Variants in BPTF observed in about 807,000 individuals in gnomAD.
The protein encoded by BPTF is bromodomain PHD finger transcription factor, also known as nucleosome-remodeling factor subunit BPTF.
A neutral mutation model predicts 292.5 loss-of-function variants in BPTF; 18 were observed. That is an observed-to-expected ratio of 0.06 (90% CI 0.04 to 0.09). The LOEUF (loss-of-function observed/expected upper bound fraction) is 0.09, where lower values mean the gene tolerates loss of function less well. BPTF is among the 10% of genes least tolerant of loss of function. The pLI is 1.00. For missense variants in BPTF, 2,726 were observed against 3,498.7 expected, an observed-to-expected ratio of 0.78 and a Z score of 5.57; for synonymous variants, 1,225 against 1,251.9, an observed-to-expected ratio of 0.98 and a Z score of 0.45.
intron 1 of BPTF, among the ~76,000 whole-genome samples, chr17:67,839,963 A>T (rs969304127): frequency 5.9e-5 from 9 of 151,716 alleles, no homozygotes; most frequent in Admixed American, 2.0e-4. Context: ...TTTTTTTTTT[A>T]AAAGACACCT....
At chr17:67,843,743 G>T (rs2057767171) in intron 1 of BPTF, among the ~76,000 whole-genome samples, 1 of 136,334 alleles carries the variant, frequency 7.3e-6, no homozygotes. Context: ...TAAATTGTCT[G>T]GAGCAGTTGT....
intron 8 of BPTF, among the ~76,000 whole-genome samples, chr17:67,904,364 G>T (rs1410843169): frequency 6.6e-6 from 1 of 152,092 alleles, no homozygotes; most frequent in African/African-American, 2.4e-5. Context: ...AATATGTTAG[G>T]GATAAAGTAC....
chr17:67,945,297 G>A, intron 20 of BPTF, 112 bp from the exon 21 acceptor site: 2 of 1,503,504 alleles, frequency 1.3e-6, no homozygotes, highest in Non-Finnish European at 1.8e-6. Context: ...ACAGGTGTGA[G>A]CCACCACGCC....
intron 18 of BPTF, among the ~76,000 whole-genome samples, chr17:67,938,040 G>A (rs1405881092): frequency 1.3e-5 from 2 of 152,258 alleles, no homozygotes; most frequent in South Asian, 2.1e-4. Context: ...TTGAACCCAG[G>A]AGGCAGAAGT....
At chr17:67,846,760 G>A (rs1317619953) in intron 1 of BPTF, among the ~76,000 whole-genome samples, 2 of 152,124 alleles carry the variant, frequency 1.3e-5, no homozygotes, top group Non-Finnish European at 2.9e-5. Flanking sequence ...GAGTGCGGTG[G>A]TACAGTCTGG....
At chr17:67,929,521 T>C in intron 17 of BPTF, 34 bp downstream of exon 17, 1 of 1,603,132 alleles carries the variant, frequency 6.2e-7, no homozygotes, top group South Asian at 1.1e-5. Context: ...TGGTTTGATG[T>C]GTTGAGCACA....
chr17:67,887,880 C>T (rs1430386989), intron 4 of BPTF, among the ~76,000 whole-genome samples: 3 of 152,144 alleles, frequency 2.0e-5, no homozygotes, highest in African/African-American at 7.2e-5. Context: ...TATATGTTTC[C>T]AAGGTCTGTG....
At chr17:67,889,174 A>T (rs994380351) in intron 4 of BPTF, among the ~76,000 whole-genome samples, 3 of 152,178 alleles carry the variant, frequency 2.0e-5, no homozygotes, top group Non-Finnish European at 2.9e-5. Context: ...CCACTGCTTT[A>T]TAATAGGAGG....
chr17:67,903,473 G>A (rs1317602217), intron 7 of BPTF, among the ~76,000 whole-genome samples: 2 of 152,270 alleles, frequency 1.3e-5, no homozygotes, highest in East Asian at 3.9e-4. Flanking sequence ...AAGTACATAT[G>A]TGTGAATATG....
chr17:67,858,728 A>C (rs750093355), intron 2 of BPTF, among the ~76,000 whole-genome samples: 1 of 152,252 alleles, frequency 6.6e-6, no homozygotes, highest in Non-Finnish European at 1.5e-5. Context: ...CATAGTCATC[A>C]GGATGGCTGG....
chr17:67,874,621 G>T lies in BPTF; in HGVS notation c.1661-196G>T, dbSNP rs1210577182. On this transcript the variant is annotated intron_variant, in intron 3 of 27. Coordinates refer to ENST00000306378, the MANE Select transcript of BPTF (RefSeq NM_182641.4). The stretch of plus-strand genomic sequence containing the variant: ...TAGCATGTATTATCTAGAGGTGAAG[G>T]TACACCAAATTGATTGAATTCTGTA... Among the ~76,000 whole-genome samples the T allele has an allele frequency of 3.3e-5, 5 of 151,968 alleles. No homozygotes were observed. In the East Asian group the frequency reaches 9.6e-4, roughly 29 times the overall value.
In BPTF at chr17:67,959,525, C is replaced by G. The variant is rs1555682586; in HGVS notation, c.7927-16C>G. On this transcript the variant is annotated splice_polypyrimidine_tract_variant and intron_variant, in intron 23 of 27. Coordinates refer to ENST00000306378, the MANE Select transcript of BPTF (RefSeq NM_182641.4). Reference sequence around the variant, plus strand: ...GACTCTAATGATAGTCTTGTATTGTCTTTAATTGATAACAGGAAGAGCTGA... The same window carrying G: ...GACTCTAATGATAGTCTTGTATTGTGTTTAATTGATAACAGGAAGAGCTGA... The G allele has an allele frequency of 6.6e-7, 1 of 1,508,512 alleles. No homozygotes were observed. The highest frequency in any genetic ancestry group is 8.8e-7 in the Non-Finnish European group (1 of 1,130,406). 93.4% of individuals were successfully genotyped at this position (1,508,512 alleles called of 1,614,324 possible). A position where few individuals can be genotyped will look rare whatever the true frequency, so the allele number is the denominator to read the frequency against.
intron 16 of BPTF, chr17:67,929,115 A>G: frequency 6.8e-6 from 9 of 1,326,042 alleles, no homozygotes; most frequent in Non-Finnish European, 7.7e-6. Context: ...CCAGCAACAC[A>G]AGGAGGTAAG....
chr17:67,835,137 G>A (rs1367672357), intron 1 of BPTF, among the ~76,000 whole-genome samples: 1 of 152,054 alleles, frequency 6.6e-6, no homozygotes, highest in Non-Finnish European at 1.5e-5. Flanking sequence ...TTGAGCCCAG[G>A]AGTTAGAGGC....
Position 67,959,590 on chromosome 17 carries a change from A to C in BPTF, c.7976A>C (p.Gln2659Pro). Residue 2659 changes from glutamine (Q) to proline (P), a missense_variant, in exon 24 of 28, where the codon CAG (glutamine) becomes CCG (proline). This residue lies in a region of BPTF where 148 missense variants were observed against 145.5 expected (regional missense o/e 1.02). Coordinates refer to ENST00000306378, the MANE Select transcript of BPTF (RefSeq NM_182641.4). ...ATTAAGAAAGAAAAAGACCTGATGCAGTTGGCTCAGGCCACAGCAGTAGCT... is the reference window on the plus strand; with the variant it reads ...ATTAAGAAAGAAAAAGACCTGATGCCGTTGGCTCAGGCCACAGCAGTAGCT... ...LKIKKEKDLM[Q>P]LAQATAVAAP... 1 of 1,548,912 alleles carries C rather than the reference A, an allele frequency of 6.5e-7. No homozygotes were observed. The highest frequency in any genetic ancestry group is 8.7e-7 in the Non-Finnish European group (1 of 1,155,108).
chr17:67,889,546 G>A (rs1250182973), intron 4 of BPTF, among the ~76,000 whole-genome samples: 3 of 152,094 alleles, frequency 2.0e-5, no homozygotes, highest in Non-Finnish European at 4.4e-5. Context: ...AGTGGCTCAC[G>A]CCTGTAATCC....
intron 7 of BPTF, 129 bp downstream of exon 7, chr17:67,894,294 C>G (rs1354927784): frequency 2.2e-6 from 2 of 908,004 alleles, no homozygotes; most frequent in African/African-American, 3.4e-5. Flanking sequence ...TCATTTTCTT[C>G]CTATATAAGT....
rs778113061 is a variant in BPTF, at chr17:67,904,881, CT to C, written c.2812+44del. Reference sequence around the variant, plus strand: ...TACATGTCCTGCATAATCGTTTCTGCTTTATATTTCTTATAAATTTGTAGTA... The same window carrying C: ...TACATGTCCTGCATAATCGTTTCTGCTTATATTTCTTATAAATTTGTAGTA... On this transcript the variant is annotated intron_variant, in intron 9 of 27. Transcript: ENST00000306378. 2.1e-6 allele frequency: 3 copies of C among 1,440,980 alleles called. No individual in the cohort carries two copies. The South Asian group carries it at 4.2e-5, about 20-fold the overall frequency. 89.3% of individuals were successfully genotyped at this position (1,440,980 alleles called of 1,614,324 possible). A position where few individuals can be genotyped will look rare whatever the true frequency, so the allele number is the denominator to read the frequency against.
intron 2 of BPTF, among the ~76,000 whole-genome samples, chr17:67,858,834 T>C (rs111689906): frequency 0.017 from 2,560 of 152,204 alleles, 48 homozygotes; most frequent in African/African-American, 0.059. Flanking sequence ...CCTTTGGATA[T>C]TCACTCTCAC....
Sources: allele counts gnomAD v4.1 joint callset (sites outside exome capture counted in the v4.1 genomes callset), GRCh38; gene constraint gnomAD v4.1.1; regional missense constraint gnomAD v4.1.1; transcripts MANE v1.5; gene names NCBI Gene and HGNC (gene_info 2026-07-23, HGNC 2026-07-21).